The following GABRG3 variants were observed in gnomAD, a reference collection of about 807,000 sequenced individuals.
The protein encoded by GABRG3 is gamma-aminobutyric acid type A receptor subunit gamma3.
In GABRG3, 25 loss-of-function variants were observed where a neutral mutation model predicts 48.8. That is an observed-to-expected ratio of 0.51 (90% CI 0.37 to 0.72). The LOEUF (loss-of-function observed/expected upper bound fraction) is 0.72, where lower values mean the gene tolerates loss of function less well. Among genes scored for constraint, GABRG3 ranks in the 30% least tolerant of loss-of-function variants. GABRG3 has a pLI of 0.00. For missense variants in GABRG3, 394 were observed against 577.9 expected (o/e 0.68, Z 3.26); for synonymous variants, 227 against 217.6 (o/e 1.04, Z -0.38).
intron 3 of GABRG3, among the ~76,000 whole-genome samples, chr15:27,317,259 C>T (rs1220116129): frequency 6.6e-6 from 1 of 152,182 alleles, no homozygotes; most frequent in Non-Finnish European, 1.5e-5. Flanking sequence ...GGTGCCATCT[C>T]CCACAGGACT....
intron 2 of GABRG3, among the ~76,000 whole-genome samples, chr15:26,985,447 A>C (rs1164759138): frequency 6.6e-6 from 1 of 152,262 alleles, no homozygotes; most frequent in Admixed American, 6.5e-5. Flanking sequence ...GTTTTAAAAC[A>C]ACTAAAAGCA....
At chr15:27,530,098 A>G (rs1891385865) in intron 9 of GABRG3, among the ~76,000 whole-genome samples, 1 of 152,048 alleles carries the variant, frequency 6.6e-6, no homozygotes, top group Non-Finnish European at 1.5e-5. Context: ...CGTTACCAAT[A>G]GAAAGAAGCA....
chr15:27,456,793 T>G (rs1030381621), intron 5 of GABRG3, among the ~76,000 whole-genome samples: 4 of 152,136 alleles, frequency 2.6e-5, no homozygotes, highest in Non-Finnish European at 4.4e-5. Context: ...CCTTAATCCT[T>G]GATCAGGGCC....
chr15:27,275,551 A>G (rs981177846), intron 3 of GABRG3, among the ~76,000 whole-genome samples: 3 of 152,180 alleles, frequency 2.0e-5, no homozygotes, highest in African/African-American at 7.2e-5. Context: ...CTCTTGGGAT[A>G]TACGTGTCTC....
chr15:27,179,522 A>G lies in GABRG3; in HGVS notation c.271-147287A>G, dbSNP rs1045547797. On this transcript the variant is annotated intron_variant, in intron 3 of 9. Transcript: ENST00000615808. This position sits in a 1 kb window ranked among gnomAD's most constrained non-coding sequence, Gnocchi z 4.0. ...TTGGTCTGGCTCTGAGAAATTTATC[A>G]TTTTCCCCATTGGTAGAGTATGAAA... Among the ~76,000 whole-genome samples the G allele has an allele frequency of 6.6e-6, 1 of 152,158 alleles. No individual in the cohort carries two copies. Among genetic ancestry groups the G allele is most frequent in the Admixed American group, 6.5e-5 (1 of 15,282 alleles).
At chr15:27,020,700 AGCCACCGCGCCCG>A (rs1895877325) in intron 2 of GABRG3, among the ~76,000 whole-genome samples, 1 of 151,766 alleles carries the variant, frequency 6.6e-6, no homozygotes, top group Non-Finnish European at 1.5e-5. Flanking sequence ...TACCGGCTTG[AGCCACCGCGCCCG>A]GCCTGTTGTT....
chr15:27,346,086 G>GAA (rs372382386), intron 5 of GABRG3, among the ~76,000 whole-genome samples: 3 of 129,890 alleles, frequency 2.3e-5, no homozygotes, highest in African/African-American at 5.8e-5. Flanking sequence ...AGAAGAGAGA[G>GAA]AAAGAAAGAA....
intron 5 of GABRG3, chr15:27,418,753 T>C (rs1888018783): frequency 6.6e-6 from 1 of 152,234 alleles, no homozygotes; most frequent in Non-Finnish European, 1.5e-5. Context: ...TTTTTCAACC[T>C]GGGGGAAGGG....
At chr15:27,353,171 G>C (rs373410928) in intron 5 of GABRG3, among the ~76,000 whole-genome samples, 44 of 152,094 alleles carry the variant, frequency 2.9e-4, no homozygotes, top group African/African-American at 9.6e-4. Flanking sequence ...GTTCTCATCA[G>C]AGTAGACACA....
At chr15:27,032,823 A>G (rs1896108836) in intron 3 of GABRG3, among the ~76,000 whole-genome samples, 1 of 145,980 alleles carries the variant, frequency 6.9e-6, no homozygotes, top group South Asian at 2.1e-4. Context: ...TTGTAGAGGC[A>G]TTGAGTGGTT....
chr15:27,367,570 A>C (rs1566808596), intron 5 of GABRG3, among the ~76,000 whole-genome samples: 3 of 152,196 alleles, frequency 2.0e-5, no homozygotes, highest in African/African-American at 7.2e-5. Context: ...TAGCGAGAGA[A>C]AGAGAGAGAC....
intron 5 of GABRG3, among the ~76,000 whole-genome samples, chr15:27,367,170 C>A (rs143087846): frequency 3.8e-4 from 58 of 152,296 alleles, no homozygotes; most frequent in African/African-American, 1.3e-3. Flanking sequence ...CTCGTACCCT[C>A]CTGGAGCTGC....
At chr15:27,402,186 A>G (rs55742778) in intron 5 of GABRG3, among the ~76,000 whole-genome samples, 1 of 152,176 alleles carries the variant, frequency 6.6e-6, no homozygotes, top group Non-Finnish European at 1.5e-5. Context: ...TACAAAAGCC[A>G]TCTAACCAAA....
intron 5 of GABRG3, among the ~76,000 whole-genome samples, chr15:27,476,293 C>A (rs1216421751): frequency 6.6e-6 from 1 of 151,682 alleles, no homozygotes; most frequent in African/African-American, 2.4e-5. Context: ...AAAAGCATGC[C>A]ACACACAAAG....
At chr15:27,048,424 C>T (rs944457527) in intron 3 of GABRG3, among the ~76,000 whole-genome samples, 10 of 152,154 alleles carry the variant, frequency 6.6e-5, no homozygotes, top group African/African-American at 2.4e-4. Context: ...CTGGCCCCGG[C>T]AGCAGGAGCC....
chr15:27,026,674 T>C (rs1006064531), intron 2 of GABRG3, 80 bp from the exon 3 acceptor site: 1 of 939,498 alleles, frequency 1.1e-6, no homozygotes, highest in Non-Finnish European at 1.6e-6. Flanking sequence ...ATGCTATGTA[T>C]GAGACTTTAG....
chr15:27,392,251 G>C (rs909939070), intron 5 of GABRG3, among the ~76,000 whole-genome samples: 3 of 152,042 alleles, frequency 2.0e-5, no homozygotes, highest in African/African-American at 2.4e-5. Context: ...CCCTTCCTCT[G>C]TTCTAGGATC....
intron 3 of GABRG3, among the ~76,000 whole-genome samples, chr15:27,111,283 G>T (rs952883268): frequency 1.3e-5 from 2 of 152,052 alleles, no homozygotes; most frequent in Admixed American, 1.3e-4. Flanking sequence ...CTTTGCTCTT[G>T]CATGTCCTCT....
At chr15:27,445,089 T>G (rs1595758911) in intron 5 of GABRG3, among the ~76,000 whole-genome samples, 1 of 152,150 alleles carries the variant, frequency 6.6e-6, no homozygotes, top group African/African-American at 2.4e-5. Flanking sequence ...GCCAGGCTGG[T>G]CTCGAACTCC....
Sources: gnomAD v4.1 joint callset for allele counts (sites outside exome capture counted in the v4.1 genomes callset) on GRCh38, gnomAD v4.1.1 for gene constraint, Gnocchi (gnomAD v3.1) non-coding constraint, MANE v1.5 for transcripts, NCBI Gene and HGNC (gene_info 2026-07-23, HGNC 2026-07-21) for gene names.